The following NEK1 variants were observed in gnomAD, a reference collection of about 807,000 sequenced individuals.
NEK1 encodes NIMA related kinase 1.
In NEK1, 137 loss-of-function variants were observed where a neutral mutation model predicts 182.1. That is an observed-to-expected ratio of 0.75 (90% CI 0.65 to 0.87). The LOEUF (loss-of-function observed/expected upper bound fraction) is 0.87, where lower values mean the gene tolerates loss of function less well. NEK1 is among the 40% of genes least tolerant of loss of function. The probability of loss-of-function intolerance (pLI) is 0.00; values close to 1 mark genes in which losing one functional copy is unlikely to be tolerated. For missense variants in NEK1, 1,391 were observed against 1,494.4 expected, an observed-to-expected ratio of 0.93 and a Z score of 1.14; for synonymous variants, 513 against 492.2, an observed-to-expected ratio of 1.04 and a Z score of -0.56.
chr4:169,471,853 T>C (rs1040096923), intron 26 of NEK1, among the ~76,000 whole-genome samples: 16 of 152,254 alleles, frequency 1.1e-4, no homozygotes, highest in African/African-American at 3.8e-4. Flanking sequence ...GATGCCTCTC[T>C]AGATTCTGGC....
intron 33 of NEK1, among the ~76,000 whole-genome samples, chr4:169,401,127 G>A (rs374618741): frequency 5.9e-5 from 9 of 152,024 alleles, no homozygotes; most frequent in African/African-American, 9.7e-5. Flanking sequence ...GTACGTGCTC[G>A]ACATACTTTG....
chr4:169,537,717 C>G, intron 19 of NEK1, 92 bp downstream of exon 19: 1 of 937,774 alleles, frequency 1.1e-6, no homozygotes, highest in Non-Finnish European at 1.7e-6. Context: ...GATTGTTAGA[C>G]TGTCATTCTT....
intron 23 of NEK1, among the ~76,000 whole-genome samples, chr4:169,504,797 T>C (rs1752963196): frequency 1.3e-5 from 2 of 152,108 alleles, no homozygotes; most frequent in South Asian, 4.1e-4. Context: ...TGAATAAGAT[T>C]CAGTATTTGA....
At position 169,494,206 on chromosome 4, in the gene NEK1, G is replaced by A. The variant is rs1020871554; in HGVS notation, c.2007+12831C>T. On this transcript the variant is annotated intron_variant, in intron 23 of 35. Transcript: ENST00000507142. ...GTTTGTGTGCTGCACCCATTAACTC[G>A]TCATTTACCTTAGGTATATCTCCTA... 5.9e-5 allele frequency among the ~76,000 whole-genome samples: 9 copies of A among 151,396 alleles called. No homozygotes were observed. In the South Asian group the frequency reaches 6.2e-4, roughly 10 times the overall value.
At chr4:169,581,697 C>A (rs918995840) in intron 10 of NEK1, among the ~76,000 whole-genome samples, 2 of 152,172 alleles carry the variant, frequency 1.3e-5, no homozygotes, top group Non-Finnish European at 2.9e-5. Flanking sequence ...CAATTTAACA[C>A]AACTACCTAT....
chr4:169,490,384 C>G (rs1047954953), intron 23 of NEK1, among the ~76,000 whole-genome samples: 11 of 152,064 alleles, frequency 7.2e-5, no homozygotes, highest in African/African-American at 2.7e-4. Flanking sequence ...CACTGATCCA[C>G]TAGATGTGCA....
At chr4:169,593,144 C>CA (rs70964212) in intron 5 of NEK1, among the ~76,000 whole-genome samples, 510 of 131,016 alleles carry the variant, frequency 3.9e-3, no homozygotes, top group East Asian at 6.8e-3. Context: ...CAGGAACTAG[C>CA]AAAAAAAAAA....
Position 169,507,737 on chromosome 4 carries a change from C to T in NEK1, c.1889G>A (p.Arg630His), listed in dbSNP as rs367957311. ...TACCTTCAGTGATTCGATTTTTTTG[C>T]GCCTCATGTCAGCCTCTTCACTTCC... The part of the protein sequence containing the change: ...QEGSEEADMR[R>H]KKIESLKAHA... The change falls in exon 22 of 36, where the codon CGC becomes CAC. Residue 630 changes from arginine to histidine, a missense_variant. By Grantham distance (29) the Arg-to-His change is conservative. Around this residue, in one of 5 missense-constraint regions of NEK1, gnomAD observed 1,216 missense variants for 1,277.6 expected, o/e 0.95. Coordinates refer to ENST00000507142, the MANE Select transcript of NEK1 (RefSeq NM_001199397.3). 2.2e-5 allele frequency: 35 copies of T among 1,611,630 alleles called. No individual in the cohort carries two copies. Among genetic ancestry groups the T allele is most frequent in the South Asian group, 2.0e-4 (18 of 90,878 alleles).
chr4:169,561,831 C>G lies in NEK1; in HGVS notation c.1140+1G>C. On this transcript the variant is annotated splice_donor_variant, in intron 14 of 35. Transcript: ENST00000507142. LOFTEE classifies it high-confidence loss of function. ...GTAGAAAAACAAGAGCAAAAAACTA[C>G]CTGATCCTTTTGTTTCTTTTCTTTT... The G allele has an allele frequency of 6.2e-7, 1 of 1,610,088 alleles. No individual in the cohort carries two copies. Among genetic ancestry groups the G allele is most frequent in the Non-Finnish European group, 8.5e-7 (1 of 1,178,350 alleles).
In NEK1 at chr4:169,439,774, C is replaced by A. The variant is rs935950987; in HGVS notation, c.2588-1515G>T. 3.3e-5 allele frequency among the ~76,000 whole-genome samples: 5 copies of A among 150,758 alleles called. No individual in the cohort carries two copies. The South Asian group carries it at 1.0e-3, about 32-fold the overall frequency. ...GATTTAGTAAAAATAATCAGTACAG[C>A]GTCCAGATATAAAATTTTCTATCTA... On this transcript the variant is annotated intron_variant, in intron 27 of 35. Transcript: ENST00000507142.
chr4:169,475,025 G>C (rs1746690010), intron 26 of NEK1, among the ~76,000 whole-genome samples: 1 of 152,146 alleles, frequency 6.6e-6, no homozygotes, highest in Admixed American at 6.6e-5. Flanking sequence ...GGGTCCCTGA[G>C]AGAGGGAAAA....
In NEK1 at chr4:169,562,195, G is replaced by A; in HGVS notation, c.1022C>T (p.Ala341Val). 6.5e-7 allele frequency: 1 copy of A among 1,528,266 alleles called. No individual in the cohort carries two copies. The highest frequency in any genetic ancestry group is 8.8e-7 in the Non-Finnish European group (1 of 1,136,118). The allele number at this position is 1,528,266 out of a possible 1,614,324, so 94.7% of individuals were successfully genotyped here. A position where few individuals can be genotyped will look rare whatever the true frequency, so the allele number is the denominator to read the frequency against. The change falls in exon 13 of 36, where the codon GCC becomes GTC. Residue 341 changes from alanine (A) to valine (V), a missense_variant and splice_region_variant. This residue lies in a region of NEK1 where 1,216 missense variants were observed against 1,277.6 expected (regional missense o/e 0.95). Transcript: ENST00000507142. ...CACTCTCTTCTCTGGAGTTTGATGG[G>A]CCTGGACAAAAAGTAAAACTACAAA... ...EKKPLQKHKQ[A>V]HQTPEKRVNT...
At chr4:169,546,863 C>T (rs190054590) in intron 18 of NEK1, among the ~76,000 whole-genome samples, 323 of 152,274 alleles carry the variant, frequency 2.1e-3, no homozygotes, top group African/African-American at 6.8e-3. Context: ...TGAGCCTACA[C>T]GTGTCTTTGC....
intron 27 of NEK1, among the ~76,000 whole-genome samples, chr4:169,456,420 A>G (rs1253075905): frequency 6.6e-6 from 1 of 152,194 alleles, no homozygotes; most frequent in African/African-American, 2.4e-5. Flanking sequence ...AATGAAATCA[A>G]AAGTTGGCTT....
intron 33 of NEK1, 41 bp from the exon 34 acceptor site, chr4:169,400,692 C>T: frequency 1.4e-6 from 2 of 1,457,890 alleles, no homozygotes; most frequent in Non-Finnish European, 1.9e-6. Context: ...TTTAAAAAGA[C>T]TGAATAACTC....
In NEK1 at chr4:169,394,430, T is replaced by A; in HGVS notation, c.*80A>T. The A allele has an allele frequency of 1.2e-6, 1 of 865,850 alleles. No homozygotes were observed. The highest frequency in any genetic ancestry group is 1.8e-6 in the Non-Finnish European group (1 of 542,194). 53.6% of individuals were successfully genotyped at this position (865,850 alleles called of 1,614,324 possible). ...ATTTTTTAAATAAATAATTGCTGTA[T>A]TTCCCACTGAAGCTTGTTATTCTGA... On this transcript the variant is annotated 3_prime_UTR_variant, in exon 36 of 36. Transcript: ENST00000507142.
chr4:169,405,767 G>A (rs1172762162), intron 32 of NEK1, among the ~76,000 whole-genome samples: 1 of 152,064 alleles, frequency 6.6e-6, no homozygotes, highest in Non-Finnish European at 1.5e-5. Flanking sequence ...CTGAGTAGCT[G>A]AGACTACCTA....
chr4:169,567,410 T>C (rs1763890093), intron 12 of NEK1, among the ~76,000 whole-genome samples: 1 of 152,082 alleles, frequency 6.6e-6, no homozygotes, highest in Non-Finnish European at 1.5e-5. Flanking sequence ...AAAAAATTTT[T>C]TTTTTTTTGA....
At position 169,558,949 on chromosome 4, in the gene NEK1, T is replaced by A. The variant is rs534828606; in HGVS notation, c.1266+2531A>T. Among the ~76,000 whole-genome samples the A allele has an allele frequency of 3.5e-4, 54 of 152,280 alleles. 1 individual carries two copies. The South Asian group carries it at 8.1e-3, about 23-fold the overall frequency. On this transcript the variant is annotated intron_variant, in intron 16 of 35. Coordinates refer to ENST00000507142, the MANE Select transcript of NEK1 (RefSeq NM_001199397.3). ...ATGATACTGAGCCTCCAGGTCCTTATCAACTATGTAGAAATCAAACAGCCT... is the reference window on the plus strand; with the variant it reads ...ATGATACTGAGCCTCCAGGTCCTTAACAACTATGTAGAAATCAAACAGCCT...
Sources: gnomAD v4.1 joint callset for allele counts (sites outside exome capture counted in the v4.1 genomes callset) on GRCh38, gnomAD v4.1.1 for gene constraint, gnomAD v4.1.1 regional missense constraint, MANE v1.5 for transcripts, NCBI Gene and HGNC (gene_info 2026-07-23, HGNC 2026-07-21) for gene names.